Variants in SERINC4 observed in about 807,000 individuals in gnomAD.
SERINC4 encodes serine incorporator 4.
Under a neutral mutation model 52.0 loss-of-function variants are expected in SERINC4, and 52 were observed. The ratio of observed to expected loss-of-function variants is 1.00; its 90% CI spans 0.80 to 1.26. The LOEUF (loss-of-function observed/expected upper bound fraction) is 1.26, where lower values mean the gene tolerates loss of function less well. SERINC4 is among the 50% of genes most tolerant of loss of function. The pLI is 0.00. For synonymous variants in SERINC4, 264 were observed against 247.7 expected, an observed-to-expected ratio of 1.07 and a Z score of -0.62; for missense variants, 723 against 632.8, an observed-to-expected ratio of 1.14 and a Z score of -1.53.
At position 43,796,148 on chromosome 15, in the gene SERINC4, T is replaced by C; in HGVS notation, c.1140+7A>G. 1 of 1,608,406 alleles carries C rather than the reference T, an allele frequency of 6.2e-7. No individual in the cohort carries two copies. The highest frequency in any genetic ancestry group is 1.7e-5 in the Admixed American group (1 of 60,002). ...GGTGTTGGGGATATGGAGCTCTTTA[T>C]CCTCACCTGAAACTCATAGCTGTAA... On this transcript the variant is annotated splice_region_variant and intron_variant, in intron 9 of 11. Transcript: ENST00000319327.
intron 4 of SERINC4, 32 bp downstream of exon 4, chr15:43,798,393 T>G: frequency 6.5e-7 from 1 of 1,527,000 alleles, no homozygotes; most frequent in Non-Finnish European, 9.1e-7. Context: ...AAACTTAGCC[T>G]ACTCCTGCCA....
chr15:43,795,821 T>G, intron 9 of SERINC4, 85 bp from the exon 10 acceptor site: 1 of 1,441,010 alleles, frequency 6.9e-7, no homozygotes, highest in Non-Finnish European at 9.5e-7. Context: ...AAAAGATTGG[T>G]CTAGTATTAA....
At chr15:43,799,638 C>T (rs1326456606) in intron 1 of SERINC4, 152 bp from the exon 2 acceptor site, 7 of 1,063,108 alleles carry the variant, frequency 6.6e-6, no homozygotes, top group Non-Finnish European at 1.0e-5. Flanking sequence ...CAAGCTGATT[C>T]CAGCCATTTG....
rs1409726324 is a variant in SERINC4 at position 43,794,935 on chromosome 15, GA to G, written c.*64del. The G allele has an allele frequency of 2.3e-6, 3 of 1,315,516 alleles. No homozygotes were observed. The highest frequency in any genetic ancestry group is 3.2e-6 in the Non-Finnish European group (3 of 941,096). The allele number at this position is 1,315,516 out of a possible 1,614,324, so 81.5% of individuals were successfully genotyped here. A position where few individuals can be genotyped will look rare whatever the true frequency, so the allele number is the denominator to read the frequency against. ...GTCCTTGAGGTATTGAGCTGGGCTG[GA>G]CAGCTCCCCTTGAGCCAACTCTAGG... is the stretch of plus-strand genomic sequence containing the variant. On this transcript the variant is annotated 3_prime_UTR_variant, in exon 12 of 12. Transcript: ENST00000319327.
At position 43,799,895 on chromosome 15, in the gene SERINC4, G is replaced by A. The variant is rs1332042791; in HGVS notation, c.92C>T (p.Pro31Leu). Residue 31 changes from proline (P) to leucine (L), a missense_variant, in exon 1 of 12, where the codon CCC (proline) becomes CTC (leucine). By Grantham distance (98) the Pro-to-Leu change is moderately conservative. Transcript: ENST00000319327. ...TTCGCACCCTCTCACCTGACAGAAG[G>A]GACTTTTCACTAGGACACTGCTGCC... is the stretch of plus-strand genomic sequence containing the variant. ...SGGSSVLVKSPFCQVCCCGPA... is the reference protein window; with the variant it reads ...SGGSSVLVKSLFCQVCCCGPA... 2 of 1,548,164 alleles carry A rather than the reference G, an allele frequency of 1.3e-6. No individual in the cohort carries two copies. The highest frequency in any genetic ancestry group is 1.7e-6 in the Non-Finnish European group (2 of 1,145,944).
In SERINC4 at chr15:43,800,162, C is replaced by T; in HGVS notation, c.-176G>A. ...CTCCAGGTTGCGGTAAATGCAAATG[C>T]CCTGTGAAGGAGCTTTGTCCTTAGG... On this transcript the variant is annotated 5_prime_UTR_variant, in exon 1 of 12. Coordinates refer to ENST00000319327, the MANE Select transcript of SERINC4 (RefSeq NM_001258031.2). 2 of 595,704 alleles carry T rather than the reference C, an allele frequency of 3.4e-6. No individual in the cohort carries two copies. The highest frequency in any genetic ancestry group is 3.7e-5 in the African/African-American group (2 of 53,878). 36.9% of individuals were successfully genotyped at this position (595,704 alleles called of 1,614,324 possible).
At position 43,794,370 on chromosome 15, in the gene SERINC4, TCA is replaced by T. The variant is rs1454845410; in HGVS notation, c.*628_*629del. 1 of 172,902 alleles carries T rather than the reference TCA, an allele frequency of 5.8e-6. No homozygotes were observed. The highest frequency in any genetic ancestry group is 1.2e-5 in the Non-Finnish European group (1 of 81,218). 10.7% of individuals were successfully genotyped at this position (172,902 alleles called of 1,614,324 possible). On this transcript the variant is annotated 3_prime_UTR_variant, in exon 12 of 12. Transcript: ENST00000319327. ...TTATGCCTCTTTTCCTCATTCTTCC[TCA>T]GTTTGTTCGTCTGCTTGAAAGTTGG...
intron 9 of SERINC4, 141 bp from the exon 10 acceptor site, chr15:43,795,877 G>A (rs1178738001): frequency 7.4e-6 from 6 of 806,096 alleles, no homozygotes; most frequent in Admixed American, 2.8e-5. Context: ...CAGCATATAA[G>A]TGGCTGTGCA....
rs1188496619 is a variant in SERINC4, at chr15:43,799,422, G to T, written c.167C>A (p.Ala56Glu). ...CCHSRWPSLT[A>E]STCSRLFYIL... Reference sequence around the variant, plus strand: ...GTAGAACAGGCGGCTGCAAGTGGATGCGGTGAGAGAGGGCCACCTAGAGTG... The same window carrying T: ...GTAGAACAGGCGGCTGCAAGTGGATTCGGTGAGAGAGGGCCACCTAGAGTG... The change falls in exon 2 of 12, where the codon GCA (alanine) becomes GAA (glutamate). Residue 56 changes from alanine to glutamate, a missense_variant. Ala to Glu is a moderately radical substitution (Grantham distance 107). Coordinates refer to ENST00000319327, the MANE Select transcript of SERINC4 (RefSeq NM_001258031.2). 6.4e-7 allele frequency: 1 copy of T among 1,550,840 alleles called. No homozygotes were observed. The highest frequency in any genetic ancestry group is 2.0e-5 in the Admixed American group (1 of 51,004).
At position 43,799,441 on chromosome 15, in the gene SERINC4, T is replaced by C. The variant is rs2087276636; in HGVS notation, c.148A>G (p.Arg50Gly). 6.4e-7 allele frequency: 1 copy of C among 1,550,612 alleles called. No individual in the cohort carries two copies. The highest frequency in any genetic ancestry group is 1.7e-4 in the Middle Eastern group (1 of 5,992). Residue 50 changes from arginine to glycine, a missense_variant, in exon 2 of 12, where the codon AGG becomes GGG. Arg to Gly is a moderately radical substitution (Grantham distance 125). Coordinates refer to ENST00000319327, the MANE Select transcript of SERINC4 (RefSeq NM_001258031.2). ...PAPCASCCHS[R>G]WPSLTASTCS... ...GTGGATGCGGTGAGAGAGGGCCACC[T>C]AGAGTGGCAGCAGCTGGCACAAGGA... is the stretch of plus-strand genomic sequence containing the variant.
In SERINC4 at chr15:43,799,390, G is replaced by A; in HGVS notation, c.199C>T (p.Leu67Phe). 1.3e-6 allele frequency: 2 copies of A among 1,551,074 alleles called. No homozygotes were observed. The highest frequency in any genetic ancestry group is 1.7e-6 in the Non-Finnish European group (2 of 1,147,086). Reference protein sequence around the residue: ...STCSRLFYILLHVGASAICCL... With the variant: ...STCSRLFYILFHVGASAICCL... ...CAGATTGCTGAGGCCCCCACATGGA[G>A]GAGGATGTAGAACAGGCGGCTGCAA... The change falls in exon 2 of 12, where the codon CTC (leucine) becomes TTC (phenylalanine). Residue 67 changes from leucine to phenylalanine, a missense_variant. Leu to Phe is a conservative substitution (Grantham distance 22). Coordinates refer to ENST00000319327, the MANE Select transcript of SERINC4 (RefSeq NM_001258031.2).
In SERINC4 at chr15:43,799,130, A is replaced by T. The variant is rs1342763295; in HGVS notation, c.287T>A (p.Met96Lys). Residue 96 changes from methionine (M) to lysine (K), a missense_variant, in exon 3 of 12, where the codon ATG becomes AAG. Transcript: ENST00000319327. Reference sequence around the variant, plus strand: ...CAGGTGGGCACACAACCCCGAGGGCATCTGGATCTGGGAGTGTGTGTGAGA... The same window carrying T: ...CAGGTGGGCACACAACCCCGAGGGCTTCTGGATCTGGGAGTGTGTGTGAGA... ...RVWGKTHRIQ[M>K]PSGLCAHLFG... is the part of the protein sequence containing the mutation. The T allele has an allele frequency of 1.3e-6, 2 of 1,548,750 alleles. No individual in the cohort carries two copies. The highest frequency in any genetic ancestry group is 1.7e-6 in the Non-Finnish European group (2 of 1,145,548).
rs938083632 is a variant in SERINC4, at chr15:43,799,099, G to A, written c.318C>T (p.Gly106=). The A allele has an allele frequency of 1.3e-6, 2 of 1,550,340 alleles. No individual in the cohort carries two copies. The highest frequency in any genetic ancestry group is 8.7e-7 in the Non-Finnish European group (1 of 1,146,896). The stretch of plus-strand genomic sequence containing the variant: ...CACTGAGCACTGGACAGTCAGAGAG[G>A]CCAAACAGGTGGGCACACAACCCCG... ...MPSGLCAHLF[G]LSDCPVLSGS... Residue 106 remains glycine (G), a synonymous_variant, in exon 3 of 12, where the codon GGC becomes GGT. Transcript: ENST00000319327.
chr15:43,794,165 G>A lies in SERINC4; in HGVS notation c.*835C>T, dbSNP rs1460333148. ...GATTGTGGGTATGTAGACTTAATAA[G>A]TGAAACATCACAGAAGAAGCCTTTA... is the stretch of plus-strand genomic sequence containing the variant. On this transcript the variant is annotated 3_prime_UTR_variant, in exon 12 of 12. Transcript: ENST00000319327. 3 of 565,634 alleles carry A rather than the reference G, an allele frequency of 5.3e-6. No homozygotes were observed. The highest frequency in any genetic ancestry group is 9.2e-6 in the Non-Finnish European group (3 of 325,142). The allele number at this position is 565,634 out of a possible 1,614,324, so 35.0% of individuals were successfully genotyped here.
chr15:43,799,999 G>T lies in SERINC4; in HGVS notation c.-13C>A. 6.6e-7 allele frequency: 1 copy of T among 1,517,676 alleles called. No homozygotes were observed. Among genetic ancestry groups the T allele is most frequent in the Non-Finnish European group, 8.8e-7 (1 of 1,133,442 alleles). The allele number at this position is 1,517,676 out of a possible 1,614,324, so 94.0% of individuals were successfully genotyped here. A position where few individuals can be genotyped will look rare whatever the true frequency, so the allele number is the denominator to read the frequency against. The stretch of plus-strand genomic sequence containing the variant: ...TGGCACCCACCATCCTTGTCCCAGG[G>T]ATTAGGCTTAGGTCCACCAGATGGA... On this transcript the variant is annotated 5_prime_UTR_variant, in exon 1 of 12. Transcript: ENST00000319327.
intron 11 of SERINC4, 25 bp downstream of exon 11, chr15:43,795,363 G>T: frequency 6.2e-7 from 1 of 1,613,428 alleles, no homozygotes; most frequent in Non-Finnish European, 8.5e-7. Context: ...CTTCAGGAGA[G>T]TATCTAAGGC....
Position 43,794,224 on chromosome 15 carries a change from A to G in SERINC4, c.*776T>C. ...TGACAACCAAACAAGTACTCCGGAT[A>G]TGCAGTAGAGGAATCCTCTAAGAAC... On this transcript the variant is annotated 3_prime_UTR_variant, in exon 12 of 12. Transcript: ENST00000319327. 2.1e-6 allele frequency: 1 copy of G among 475,586 alleles called. No homozygotes were observed. The allele number at this position is 475,586 out of a possible 1,614,324, so 29.5% of individuals were successfully genotyped here.
Position 43,797,947 on chromosome 15 carries a change from G to A in SERINC4, c.605C>T (p.Ala202Val), listed in dbSNP as rs766577601. The change falls in exon 5 of 12, where the codon GCT becomes GTT. Residue 202 changes from alanine to valine, a missense_variant. Coordinates refer to ENST00000319327, the MANE Select transcript of SERINC4 (RefSeq NM_001258031.2). ...FILLQLVLIT[A>V]FAHSWNKNWQ... ...GTTCTTGTTCCAGGAATGGGCAAAA[G>A]CTGTAATAAGCACCAACTGCAGTAG... The A allele has an allele frequency of 6.2e-7, 1 of 1,613,700 alleles. No individual in the cohort carries two copies. Among genetic ancestry groups the A allele is most frequent in the Non-Finnish European group, 8.5e-7 (1 of 1,179,622 alleles).
rs1237123816 is a variant in SERINC4 at position 43,800,048 on chromosome 15, T to G, written c.-62A>C. 1 of 1,277,594 alleles carries G rather than the reference T, an allele frequency of 7.8e-7. No individual in the cohort carries two copies. The highest frequency in any genetic ancestry group is 1.1e-6 in the Non-Finnish European group (1 of 944,212). The allele number at this position is 1,277,594 out of a possible 1,614,324, so 79.1% of individuals were successfully genotyped here. On this transcript the variant is annotated 5_prime_UTR_variant, in exon 1 of 12. Coordinates refer to ENST00000319327, the MANE Select transcript of SERINC4 (RefSeq NM_001258031.2). ...GAAGGCAGATGAGAGCAGCAGTTGC[T>G]TCTGTCCTCAGCCCATTGGACTGCC... is the stretch of plus-strand genomic sequence containing the variant.
Sources: allele counts gnomAD v4.1 joint callset, GRCh38; gene constraint gnomAD v4.1.1; transcripts MANE v1.5; gene names NCBI Gene and HGNC (gene_info 2026-07-23, HGNC 2026-07-21).